Variants in MAGI2 observed in about 807,000 individuals in gnomAD.
MAGI2 encodes membrane associated guanylate kinase, WW and PDZ domain containing 2.
MAGI2 carries 35 observed loss-of-function variants against 133.3 expected under a neutral mutation model. The ratio of observed to expected loss-of-function variants is 0.26; its 90% CI spans 0.20 to 0.35. The LOEUF (loss-of-function observed/expected upper bound fraction) is 0.35, where lower values mean the gene tolerates loss of function less well. Ranked by LOEUF, MAGI2 falls within the 10% of genes least tolerant of loss-of-function variation. The pLI, the probability that MAGI2 is intolerant of heterozygous loss-of-function variation, is 1.00. For synonymous variants in MAGI2, 729 were observed against 710.6 expected (o/e 1.03, Z -0.41); for missense variants, 1,636 against 1,863.4 (o/e 0.88, Z 2.25).
rs1830570669 is a variant in MAGI2, at chr7:79,223,026, A to C, written c.302-215820T>G. ...CTGCCTCCCGAGTAGCTGGGACTAC[A>C]GGCACCCGCTACCGCTCCTGGCTAA... On this transcript the variant is annotated intron_variant, in intron 1 of 21. Coordinates refer to ENST00000354212, the MANE Select transcript of MAGI2 (RefSeq NM_012301.4). Among the ~76,000 whole-genome samples, 3 of 151,994 alleles carry C rather than the reference A, an allele frequency of 2.0e-5. No individual in the cohort carries two copies. The South Asian group carries it at 6.2e-4, about 32-fold the overall frequency.
intron 2 of MAGI2, among the ~76,000 whole-genome samples, chr7:78,668,610 A>C (rs1813931377): frequency 6.6e-6 from 1 of 151,930 alleles, no homozygotes; most frequent in South Asian, 2.1e-4. Flanking sequence ...CTTTCTACAT[A>C]TGGCTAGCCA....
At chr7:78,329,156 G>A (rs1308332165) in intron 9 of MAGI2, among the ~76,000 whole-genome samples, 3 of 152,162 alleles carry the variant, frequency 2.0e-5, no homozygotes, top group East Asian at 1.9e-4. Flanking sequence ...ATCCTCAGCT[G>A]GAGCATATGA....
chr7:79,342,931 T>C (rs1242509477), intron 1 of MAGI2, among the ~76,000 whole-genome samples: 1 of 151,832 alleles, frequency 6.6e-6, no homozygotes, highest in Non-Finnish European at 1.5e-5. Flanking sequence ...GGCTATTTTT[T>C]TGTATTGTTT....
chr7:78,136,210 C>G (rs1248772256), intron 16 of MAGI2, among the ~76,000 whole-genome samples: 4 of 151,904 alleles, frequency 2.6e-5, no homozygotes, highest in Non-Finnish European at 4.4e-5. Context: ...CTGCCTGCCT[C>G]CTGGGTTCAC....
chr7:78,845,908 A>G (rs868068794), intron 2 of MAGI2, among the ~76,000 whole-genome samples: 10 of 152,074 alleles, frequency 6.6e-5, no homozygotes, highest in African/African-American at 2.2e-4. Flanking sequence ...GGGCAACGTG[A>G]AAAAGGAGAT....
intron 3 of MAGI2, among the ~76,000 whole-genome samples, chr7:78,569,017 T>G (rs1801232515): frequency 6.6e-6 from 1 of 152,046 alleles, no homozygotes; most frequent in African/African-American, 2.4e-5. Flanking sequence ...GCTTGGTCAC[T>G]CCTTCACTTT....
At chr7:79,281,812 A>G (rs184738629) in intron 1 of MAGI2, among the ~76,000 whole-genome samples, 1 of 152,308 alleles carries the variant, frequency 6.6e-6, no homozygotes, top group Admixed American at 6.5e-5. Context: ...CATACTATAT[A>G]ACTTCTTCAC....
chr7:78,549,286 A>T (rs1025279022), intron 3 of MAGI2, among the ~76,000 whole-genome samples: 14 of 152,238 alleles, frequency 9.2e-5, no homozygotes, highest in African/African-American at 2.9e-4. Context: ...AGTTTCACAG[A>T]ACGCCAACTT....
chr7:79,172,101 C>T (rs550043361), intron 1 of MAGI2, among the ~76,000 whole-genome samples: 2 of 151,824 alleles, frequency 1.3e-5, no homozygotes, highest in East Asian at 3.9e-4. Flanking sequence ...TTCTCTTTTG[C>T]AGTGTGTAAG....
intron 1 of MAGI2, among the ~76,000 whole-genome samples, chr7:79,065,745 G>A (rs1435173760): frequency 6.6e-6 from 1 of 152,002 alleles, no homozygotes; most frequent in African/African-American, 2.4e-5. Flanking sequence ...AGTGTGTGAT[G>A]TTCTCATCCA....
chr7:78,085,761 G>A (rs1816573412), intron 20 of MAGI2, among the ~76,000 whole-genome samples: 1 of 152,162 alleles, frequency 6.6e-6, no homozygotes, highest in East Asian at 1.9e-4. Flanking sequence ...AGCTGCTATT[G>A]GAAGTGAAAG....
chr7:78,086,733 C>T (rs1816685431), intron 20 of MAGI2, among the ~76,000 whole-genome samples: 1 of 150,304 alleles, frequency 6.7e-6, no homozygotes. Context: ...CTCCCAGGTT[C>T]AAGCAATCCT....
chr7:78,764,936 C>T (rs977209807), intron 2 of MAGI2, among the ~76,000 whole-genome samples: 1 of 152,124 alleles, frequency 6.6e-6, no homozygotes, highest in African/African-American at 2.4e-5. Context: ...AAAGCATAGC[C>T]ATCTTCGGAT....
chr7:78,584,050 G>GA (rs953422844), intron 3 of MAGI2, among the ~76,000 whole-genome samples: 2 of 152,054 alleles, frequency 1.3e-5, no homozygotes, highest in African/African-American at 4.8e-5. Flanking sequence ...TGTGTGATGG[G>GA]AAAAAACCAA....
rs184567389 is a variant in MAGI2, at chr7:78,609,104, A to C, written c.538+18016T>G. ...CTTACATTTTCACGTTTTTCTGCCT[A>C]CTTTATATTCACTGGTAGCTGATTA... On this transcript the variant is annotated intron_variant, in intron 3 of 21. Transcript: ENST00000354212. Among the ~76,000 whole-genome samples, 90 of 152,252 alleles carry C rather than the reference A, an allele frequency of 5.9e-4. No individual in the cohort carries two copies. The East Asian group carries it at 0.015, about 25-fold the overall frequency.
intron 20 of MAGI2, among the ~76,000 whole-genome samples, chr7:78,112,775 C>T (rs143358001): frequency 6.6e-6 from 1 of 152,322 alleles, no homozygotes; most frequent in African/African-American, 2.4e-5. Context: ...GATTCCTGCT[C>T]TTGCAGAGCT....
At chr7:78,317,832 G>A (rs1787583930) in intron 9 of MAGI2, among the ~76,000 whole-genome samples, 1 of 152,194 alleles carries the variant, frequency 6.6e-6, no homozygotes, top group Non-Finnish European at 1.5e-5. Context: ...CTCTGCTGGT[G>A]ATACCCAGGC....
At chr7:79,022,425 G>T (rs951188055) in intron 1 of MAGI2, among the ~76,000 whole-genome samples, 4 of 151,928 alleles carry the variant, frequency 2.6e-5, no homozygotes, top group Admixed American at 1.3e-4. Context: ...AAAATAGTTA[G>T]AAAGATTTGA....
At chr7:79,452,091 C>A (rs1247875479) in intron 1 of MAGI2, among the ~76,000 whole-genome samples, 1 of 131,630 alleles carries the variant, frequency 7.6e-6, no homozygotes, top group Non-Finnish European at 1.8e-5. Context: ...TGGGCTGGAA[C>A]CGGCCAGGGT....
Sources: allele counts gnomAD v4.1 joint callset (sites outside exome capture counted in the v4.1 genomes callset), GRCh38; gene constraint gnomAD v4.1.1; transcripts MANE v1.5; gene names NCBI Gene and HGNC (gene_info 2026-07-23, HGNC 2026-07-21).